The following NUDCD3 variants were observed in gnomAD, a reference collection of about 807,000 sequenced individuals.
NUDCD3 encodes NudC domain containing 3, also known as nudC domain-containing protein 3.
A neutral mutation model predicts 39.7 loss-of-function variants in NUDCD3; 13 were observed. The observed-to-expected ratio is 0.33, with a 90% confidence interval of 0.21 to 0.52. The LOEUF is 0.52. NUDCD3 is among the 20% of genes least tolerant of loss of function. The pLI, the probability that NUDCD3 is intolerant of heterozygous loss-of-function variation, is 0.96. For missense variants in NUDCD3, 453 were observed against 458.1 expected, an observed-to-expected ratio of 0.99 and a Z score of 0.10; for synonymous variants, 175 against 172.4, an observed-to-expected ratio of 1.02 and a Z score of -0.12.
At chr7:44,415,489 AT>A (rs999645007) in intron 3 of NUDCD3, among the ~76,000 whole-genome samples, 17 of 152,092 alleles carry the variant, frequency 1.1e-4, no homozygotes, top group South Asian at 4.1e-4. Flanking sequence ...TAGCAAGATG[AT>A]TTTTTTTAAA....
chr7:44,398,785 C>A (rs749341900), intron 4 of NUDCD3, among the ~76,000 whole-genome samples: 1 of 152,140 alleles, frequency 6.6e-6, no homozygotes, highest in African/African-American at 2.4e-5. Context: ...ACGTTCCTTC[C>A]GGGAAGGCAC....
intron 4 of NUDCD3, among the ~76,000 whole-genome samples, chr7:44,402,357 C>T (rs983180949): frequency 2.0e-5 from 3 of 152,160 alleles, no homozygotes; most frequent in Non-Finnish European, 4.4e-5. Flanking sequence ...TTGTATTATA[C>T]ATACAAGTGT....
At chr7:44,431,911 A>G (rs1193552506) in intron 2 of NUDCD3, among the ~76,000 whole-genome samples, 1 of 151,986 alleles carries the variant, frequency 6.6e-6, no homozygotes, top group Non-Finnish European at 1.5e-5. Context: ...ACCTGAAGTG[A>G]TCTGCCTGCC....
At chr7:44,463,090 G>A (rs944941690) in intron 2 of NUDCD3, among the ~76,000 whole-genome samples, 19 of 152,126 alleles carry the variant, frequency 1.2e-4, no homozygotes, top group African/African-American at 4.3e-4. Context: ...GACACTAAGC[G>A]AAGGCTACAC....
At chr7:44,469,115 CAAAAA>C (rs756247647) in intron 2 of NUDCD3, among the ~76,000 whole-genome samples, 7 of 32,842 alleles carry the variant, frequency 2.1e-4, no homozygotes, top group South Asian at 1.5e-3. Context: ...ACAAACAAAC[CAAAAA>C]AAAAAAAAAA....
At chr7:44,424,896 T>C (rs1259626473) in intron 3 of NUDCD3, among the ~76,000 whole-genome samples, 1 of 152,190 alleles carries the variant, frequency 6.6e-6, no homozygotes, top group Admixed American at 6.5e-5. Flanking sequence ...CCAACCCAAA[T>C]GCCCATCAAT....
At chr7:44,454,257 T>C (rs1395150899) in intron 2 of NUDCD3, among the ~76,000 whole-genome samples, 1 of 152,134 alleles carries the variant, frequency 6.6e-6, no homozygotes, top group East Asian at 1.9e-4. Flanking sequence ...GAGAATGGCA[T>C]GAACCCGTGA....
chr7:44,476,741 G>C (rs1227304795), intron 2 of NUDCD3, among the ~76,000 whole-genome samples: 1 of 152,196 alleles, frequency 6.6e-6, no homozygotes, highest in Non-Finnish European at 1.5e-5. Context: ...ACAGCACCAG[G>C]AAGTGAGAAA....
At chr7:44,403,218 C>T (rs1315257811) in intron 4 of NUDCD3, among the ~76,000 whole-genome samples, 1 of 152,232 alleles carries the variant, frequency 6.6e-6, no homozygotes, top group African/African-American at 2.4e-5. Flanking sequence ...CTACCACTGG[C>T]CATCAGCAGA....
chr7:44,411,763 C>T (rs937632454), intron 3 of NUDCD3, among the ~76,000 whole-genome samples: 1 of 152,160 alleles, frequency 6.6e-6, no homozygotes, highest in Non-Finnish European at 1.5e-5. Flanking sequence ...TATAGAGGTA[C>T]CACATGACCC....
chr7:44,409,298 T>G lies in NUDCD3; in HGVS notation c.643-4715A>C, dbSNP rs1283646108. On this transcript the variant is annotated intron_variant, in intron 3 of 5. Transcript: ENST00000355451. ...ATGAAGGTATGCTCCAACAGGTAGA[T>G]GAAGCCCCTCGACAAAAACAGGTGT... is the stretch of plus-strand genomic sequence containing the variant. Among the ~76,000 whole-genome samples, 4 of 152,192 alleles carry G rather than the reference T, an allele frequency of 2.6e-5. No individual in the cohort carries two copies. In the East Asian group the frequency reaches 7.7e-4, roughly 29 times the overall value.
intron 2 of NUDCD3, among the ~76,000 whole-genome samples, chr7:44,435,115 CTTTT>C (rs963664988): frequency 1.3e-5 from 2 of 152,074 alleles, no homozygotes; most frequent in African/African-American, 2.4e-5. Flanking sequence ...TAATTCTACA[CTTTT>C]TTTAGATTTT....
chr7:44,438,419 A>G (rs6463233), intron 2 of NUDCD3, among the ~76,000 whole-genome samples: 20,552 of 152,192 alleles, frequency 0.14, 1,717 homozygotes, highest in Non-Finnish European at 0.19. Flanking sequence ...TTATTTCTCA[A>G]AAATGTCCTT....
Position 44,440,496 on chromosome 7 carries a change from G to GAAA in NUDCD3, c.510-12796_510-12794dup, listed in dbSNP as rs72065068. ...AACTAGTGAGAAAACCAGAAAAATT[G>GAAA]AAAAAAAAAAAAAAAAAAAAGCCTG... On this transcript the variant is annotated intron_variant, in intron 2 of 5. Transcript: ENST00000355451. 8.7e-4 allele frequency among the ~76,000 whole-genome samples: 42 copies of GAAA among 48,398 alleles called. 1 individual carries two copies. The highest frequency in any genetic ancestry group is 2.5e-3 in the African/African-American group (35 of 13,812). 31.8% of individuals were successfully genotyped at this position (48,398 alleles called of 152,430 possible).
intron 2 of NUDCD3, chr7:44,484,533 T>G (rs1170697554): frequency 1.9e-5 from 3 of 160,050 alleles, no homozygotes; most frequent in African/African-American, 7.2e-5. Context: ...GGAAGCGGCA[T>G]AGCGAGGATG....
At chr7:44,415,907 C>G (rs1799012124) in intron 3 of NUDCD3, among the ~76,000 whole-genome samples, 1 of 152,134 alleles carries the variant, frequency 6.6e-6, no homozygotes, top group Non-Finnish European at 1.5e-5. Flanking sequence ...GCAACCGTGA[C>G]AGGTAGACTT....
chr7:44,399,949 A>G (rs1322486226), intron 4 of NUDCD3, among the ~76,000 whole-genome samples: 1 of 152,256 alleles, frequency 6.6e-6, no homozygotes, highest in South Asian at 2.1e-4. Context: ...TTGTGTGCGC[A>G]CCACGTCAAT....
chr7:44,425,419 A>G (rs1299568456), intron 3 of NUDCD3, among the ~76,000 whole-genome samples: 1 of 152,170 alleles, frequency 6.6e-6, no homozygotes, highest in Non-Finnish European at 1.5e-5. Flanking sequence ...GCATATATCA[A>G]ATTTTTTTAT....
chr7:44,393,547 A>T (rs940685414), intron 4 of NUDCD3, among the ~76,000 whole-genome samples: 3 of 152,212 alleles, frequency 2.0e-5, no homozygotes, highest in African/African-American at 7.2e-5. Flanking sequence ...TTCTTACCAG[A>T]GTGGCCAAGA....
Sources: gnomAD v4.1 joint callset for allele counts (sites outside exome capture counted in the v4.1 genomes callset) on GRCh38, gnomAD v4.1.1 for gene constraint, MANE v1.5 for transcripts, NCBI Gene and HGNC (gene_info 2026-07-23, HGNC 2026-07-21) for gene names.